DISC1: variants seen among roughly 807,000 people sequenced by gnomAD.
DISC1 encodes the protein DISC1 scaffold protein.
In DISC1, 57 loss-of-function variants were observed where a neutral mutation model predicts 84.5. That is an observed-to-expected ratio of 0.67 (90% CI 0.55 to 0.84). The LOEUF (loss-of-function observed/expected upper bound fraction) is 0.84, where lower values mean the gene tolerates loss of function less well. Among genes scored for constraint, DISC1 ranks in the 40% least tolerant of loss-of-function variants. DISC1 has a pLI of 0.00. For synonymous variants in DISC1, 411 were observed against 415.2 expected, an observed-to-expected ratio of 0.99 and a Z score of 0.12; for missense variants, 1,000 against 1,057.8, an observed-to-expected ratio of 0.95 and a Z score of 0.76.
At chr1:231,969,134 A>T (rs1661537133) in intron 10 of DISC1, among the ~76,000 whole-genome samples, 1 of 149,330 alleles carries the variant, frequency 6.7e-6, no homozygotes, top group African/African-American at 2.5e-5. Flanking sequence ...CTTGTAGCTA[A>T]TACCCTCCAT....
intron 1 of DISC1, among the ~76,000 whole-genome samples, chr1:231,664,389 A>G (rs1161930621): frequency 1.3e-5 from 2 of 152,128 alleles, no homozygotes; most frequent in Non-Finnish European, 1.5e-5. Context: ...TATCCCCCCA[A>G]AGATGTCTGC....
chr1:231,811,433 G>A lies in DISC1; in HGVS notation c.1793-6896G>A, dbSNP rs149012684. Among the ~76,000 whole-genome samples the A allele has an allele frequency of 5.2e-3, 787 of 152,306 alleles. 11 individuals are homozygous for A. Among genetic ancestry groups the A allele is most frequent in the African/African-American group, 0.018 (744 of 41,576 alleles). Reference sequence around the variant, plus strand: ...CTTGCTTAACTGTGCACTTGAGCTTGCAGTTCCTTGAAAGATCTGGTGTCA... The same window carrying A: ...CTTGCTTAACTGTGCACTTGAGCTTACAGTTCCTTGAAAGATCTGGTGTCA... On this transcript the variant is annotated intron_variant, in intron 8 of 12. Coordinates refer to ENST00000439617, the MANE Select transcript of DISC1 (RefSeq NM_018662.3).
At chr1:231,972,327 C>A (rs1662100831) in intron 10 of DISC1, among the ~76,000 whole-genome samples, 1 of 152,200 alleles carries the variant, frequency 6.6e-6, no homozygotes, top group Non-Finnish European at 1.5e-5. Context: ...TGCCCTTCTG[C>A]CTGCCAGAGG....
At chr1:231,946,110 A>G (rs1002533559) in intron 9 of DISC1, among the ~76,000 whole-genome samples, 6 of 152,254 alleles carry the variant, frequency 3.9e-5, no homozygotes, top group Admixed American at 3.3e-4. Flanking sequence ...AACTCATTTT[A>G]TGAGGCCAGC....
At position 232,036,929 on chromosome 1, in the gene DISC1, C is replaced by T. The variant is rs549170615; in HGVS notation, c.*98C>T. ...ATAGCTAAGATGCCTGAATCAATTA[C>T]GGAGATACAGAGCCTTGAGGTCTTT... On this transcript the variant is annotated 3_prime_UTR_variant, in exon 13 of 13. Coordinates refer to ENST00000439617, the MANE Select transcript of DISC1 (RefSeq NM_018662.3). 4.8e-5 allele frequency: 64 copies of T among 1,326,976 alleles called. No individual in the cohort carries two copies. In the African/African-American group the frequency reaches 8.6e-4, roughly 18 times the overall value. The allele number at this position is 1,326,976 out of a possible 1,614,324, so 82.2% of individuals were successfully genotyped here.
At chr1:231,817,414 A>C (rs998861494) in intron 8 of DISC1, among the ~76,000 whole-genome samples, 1 of 152,196 alleles carries the variant, frequency 6.6e-6, no homozygotes, top group Non-Finnish European at 1.5e-5. Context: ...TAAGCACATA[A>C]ATTTCTACAA....
intron 1 of DISC1, among the ~76,000 whole-genome samples, chr1:231,681,674 T>G (rs1306329180): frequency 1.3e-5 from 2 of 152,176 alleles, no homozygotes; most frequent in African/African-American, 4.8e-5. Flanking sequence ...AACAGATAGA[T>G]TAACAGGAGA....
intron 9 of DISC1, among the ~76,000 whole-genome samples, chr1:231,877,019 C>A (rs916917837): frequency 1.3e-5 from 2 of 152,312 alleles, no homozygotes; most frequent in Admixed American, 1.3e-4. Flanking sequence ...AAGGGCCACT[C>A]TGGAGGGAGA....
At chr1:231,697,949 G>A (rs749172173) in intron 2 of DISC1, among the ~76,000 whole-genome samples, 3 of 152,002 alleles carry the variant, frequency 2.0e-5, no homozygotes, top group Non-Finnish European at 4.4e-5. Flanking sequence ...CATTGCAAAA[G>A]CTCCCTAAGC....
chr1:231,636,726 G>A (rs901772194), intron 1 of DISC1, among the ~76,000 whole-genome samples: 2 of 152,060 alleles, frequency 1.3e-5, no homozygotes, highest in Non-Finnish European at 2.9e-5. Flanking sequence ...TCTTATGGGA[G>A]TTACTTTCCC....
At chr1:231,781,559 A>G (rs2077435064) in intron 6 of DISC1, among the ~76,000 whole-genome samples, 1 of 152,206 alleles carries the variant, frequency 6.6e-6, no homozygotes. Flanking sequence ...TCTCACAAAC[A>G]TGAAAGCATG....
chr1:231,664,683 C>T (rs576721905), intron 1 of DISC1, among the ~76,000 whole-genome samples: 1 of 152,246 alleles, frequency 6.6e-6, no homozygotes, highest in East Asian at 1.9e-4. Context: ...ACCTCCAGAA[C>T]TGTAAAATAA....
At chr1:231,772,345 G>A (rs570284628) in intron 6 of DISC1, among the ~76,000 whole-genome samples, 1 of 152,270 alleles carries the variant, frequency 6.6e-6, no homozygotes, top group East Asian at 1.9e-4. Flanking sequence ...AGTGGCACCC[G>A]AATGGGTAGA....
At chr1:231,655,910 G>T (rs2061024389) in intron 1 of DISC1, among the ~76,000 whole-genome samples, 1 of 152,112 alleles carries the variant, frequency 6.6e-6, no homozygotes, top group Non-Finnish European at 1.5e-5. Context: ...TTTGAGAAAT[G>T]TATATTCATG....
chr1:231,953,978 C>A (rs1256853255), intron 9 of DISC1, among the ~76,000 whole-genome samples: 1 of 152,192 alleles, frequency 6.6e-6, no homozygotes, highest in Non-Finnish European at 1.5e-5. Flanking sequence ...CTGCTGTCCC[C>A]TTATGCAAGG....
intron 1 of DISC1, among the ~76,000 whole-genome samples, chr1:231,648,064 C>T (rs994293750): frequency 2.0e-5 from 3 of 152,260 alleles, no homozygotes; most frequent in African/African-American, 7.2e-5. Context: ...TTTCTCTTGT[C>T]TGATGGCCCT....
intron 3 of DISC1, among the ~76,000 whole-genome samples, chr1:231,746,789 C>T (rs1416424173): frequency 6.6e-6 from 1 of 152,044 alleles, no homozygotes; most frequent in Non-Finnish European, 1.5e-5. Context: ...ATTATTTGCC[C>T]ATTTTTAAAT....
At chr1:231,803,809 G>T (rs913785833) in intron 8 of DISC1, among the ~76,000 whole-genome samples, 1 of 151,980 alleles carries the variant, frequency 6.6e-6, no homozygotes, top group Non-Finnish European at 1.5e-5. Flanking sequence ...TTAGCTAGGC[G>T]TCATGGCGGG....
rs1056242167 is a variant in DISC1, at chr1:231,847,149, G to A, written c.1981+28632G>A. Among the ~76,000 whole-genome samples the A allele has an allele frequency of 2.6e-5, 4 of 152,050 alleles. No individual in the cohort carries two copies. The East Asian group carries it at 7.7e-4, about 29-fold the overall frequency. Reference sequence around the variant, plus strand: ...TCGAGATCAAGGTGTCAGCACAAATGGTCTCTCCCTAAGCCTCTCTGCTTG... The same window carrying A: ...TCGAGATCAAGGTGTCAGCACAAATAGTCTCTCCCTAAGCCTCTCTGCTTG... On this transcript the variant is annotated intron_variant, in intron 9 of 12. Coordinates refer to ENST00000439617, the MANE Select transcript of DISC1 (RefSeq NM_018662.3).
Sources: allele counts gnomAD v4.1 joint callset (sites outside exome capture counted in the v4.1 genomes callset), GRCh38; gene constraint gnomAD v4.1.1; transcripts MANE v1.5; gene names NCBI Gene and HGNC (gene_info 2026-07-23, HGNC 2026-07-21).